The following SRRM3 variants were observed in gnomAD, a reference collection of about 807,000 sequenced individuals.
The protein encoded by SRRM3 is serine/arginine repetitive matrix 3.
SRRM3 carries 27 observed loss-of-function variants against 66.2 expected under a neutral mutation model. That is an observed-to-expected ratio of 0.41 (90% confidence interval 0.30 to 0.56). The LOEUF (loss-of-function observed/expected upper bound fraction) is 0.56, where lower values mean the gene tolerates loss of function less well. Ranked by LOEUF, SRRM3 falls within the 20% of genes least tolerant of loss-of-function variation. SRRM3 has a pLI of 0.32. For synonymous variants in SRRM3, 391 were observed against 414.9 expected (o/e 0.94, Z 0.70); for missense variants, 918 against 991.9 (o/e 0.93, Z 1.00).
intron 11 of SRRM3, among the ~76,000 whole-genome samples, chr7:76,279,248 G>A (rs561827684): frequency 1.9e-4 from 29 of 152,152 alleles, no homozygotes; most frequent in Admixed American, 1.6e-3. Flanking sequence ...GACAGAGTGA[G>A]ATGCCTTCTC....
chr7:76,228,117 G>T (rs1053868251), intron 1 of SRRM3, among the ~76,000 whole-genome samples: 3 of 151,994 alleles, frequency 2.0e-5, no homozygotes, highest in Non-Finnish European at 4.4e-5. Flanking sequence ...TGATCCACCC[G>T]CCTCTGCCTC....
chr7:76,276,804 C>G (rs1321776732), intron 11 of SRRM3, among the ~76,000 whole-genome samples: 1 of 152,158 alleles, frequency 6.6e-6, no homozygotes, highest in Admixed American at 6.6e-5. Context: ...AGGTGCCTTC[C>G]TCCCATCCTC....
intron 1 of SRRM3, among the ~76,000 whole-genome samples, chr7:76,224,175 G>A (rs1458928705): frequency 2.9e-5 from 4 of 139,632 alleles, no homozygotes; most frequent in Non-Finnish European, 6.2e-5. Flanking sequence ...CCGCTCCTGG[G>A]TTCAAGCGAT....
intron 2 of SRRM3, among the ~76,000 whole-genome samples, chr7:76,237,535 A>T (rs1801181697): frequency 6.6e-6 from 1 of 152,256 alleles, no homozygotes; most frequent in Admixed American, 6.5e-5. Flanking sequence ...AGATTGCGCC[A>T]CTGCACTTCA....
intron 1 of SRRM3, among the ~76,000 whole-genome samples, chr7:76,229,159 A>G (rs1029142418): frequency 1.1e-4 from 16 of 152,066 alleles, no homozygotes; most frequent in African/African-American, 3.9e-4. Flanking sequence ...TGTCCTCCCA[A>G]AATGCTGAGA....
chr7:76,250,049 TTA>T, intron 3 of SRRM3, among the ~76,000 whole-genome samples: 1 of 151,606 alleles, frequency 6.6e-6, no homozygotes, highest in Non-Finnish European at 1.5e-5. Context: ...TTATTTATTT[TTA>T]TTTATTTTTT....
rs1364727457 is a variant in SRRM3 at position 76,286,088 on chromosome 7, G to C, written c.*245G>C. 12 of 577,154 alleles carry C rather than the reference G, an allele frequency of 2.1e-5. 1 individual carries two copies. In the South Asian group the frequency reaches 2.9e-4, roughly 14 times the overall value. 35.8% of individuals were successfully genotyped at this position (577,154 alleles called of 1,614,324 possible). A position where few individuals can be genotyped will look rare whatever the true frequency, so the allele number is the denominator to read the frequency against. ...ACCTCCTGTCCACCCACTGTGCCCG[G>C]GGAACAAAGAGCCGTTACGAACACA... On this transcript the variant is annotated 3_prime_UTR_variant, in exon 15 of 15. Transcript: ENST00000611745.
At chr7:76,246,201 T>C (rs1801435453) in intron 2 of SRRM3, among the ~76,000 whole-genome samples, 1 of 152,168 alleles carries the variant, frequency 6.6e-6, no homozygotes, top group South Asian at 2.1e-4. Context: ...ATCACCTCCA[T>C]GAATCCTCTG....
chr7:76,271,624 C>T (rs1554610531), intron 11 of SRRM3, among the ~76,000 whole-genome samples: 1 of 152,164 alleles, frequency 6.6e-6, no homozygotes, highest in African/African-American at 2.4e-5. Flanking sequence ...GCTTGGGCAA[C>T]AGAGCAAGAC....
At chr7:76,232,579 A>G (rs1400029600) in intron 1 of SRRM3, among the ~76,000 whole-genome samples, 1 of 151,894 alleles carries the variant, frequency 6.6e-6, no homozygotes, top group African/African-American at 2.4e-5. Flanking sequence ...CTCCAAAAAA[A>G]AAAAGAGCTC....
rs781953640 is a variant in SRRM3 at position 76,285,834 on chromosome 7, G to T, written c.1953G>T (p.Gly651=). ...ACAGCCGGAGCAGCTCTGAGAGCGG[G>T]GGCTTCTGAGCCCAGACAGACTCAG... ...SYHSRSSSES[G]GF The change falls in exon 15 of 15, where the codon GGG becomes GGT. Residue 651 remains glycine (G), a synonymous_variant. Coordinates refer to ENST00000611745, the MANE Select transcript of SRRM3 (RefSeq NM_001110199.3). This position sits in a 1 kb window ranked among gnomAD's most constrained non-coding sequence, Gnocchi z 4.1. The T allele has an allele frequency of 2.5e-5, 38 of 1,549,388 alleles. No individual in the cohort carries two copies. In the East Asian group the frequency reaches 3.2e-4, roughly 13 times the overall value.
rs1170079332 is a variant in SRRM3 at position 76,215,394 on chromosome 7, G to GTTTTTTTT, written c.-40+13346_-40+13353dup. ...CTGGGCTGGGAGTTAGGAGCCCGCA[G>GTTTTTTTT]TTTTTTTTTTTTTTTTTTTTTTTTT... is the stretch of plus-strand genomic sequence containing the variant. On this transcript the variant is annotated intron_variant, in intron 1 of 14. Coordinates refer to ENST00000611745, the MANE Select transcript of SRRM3 (RefSeq NM_001110199.3). Among the ~76,000 whole-genome samples, 2 of 95,112 alleles carry GTTTTTTTT rather than the reference G, an allele frequency of 2.1e-5. 1 individual carries two copies. Among genetic ancestry groups the GTTTTTTTT allele is most frequent in the Non-Finnish European group, 4.0e-5 (2 of 49,824 alleles). 62.4% of individuals were successfully genotyped at this position (95,112 alleles called of 152,430 possible).
intron 3 of SRRM3, among the ~76,000 whole-genome samples, chr7:76,259,634 G>A (rs1016885461): frequency 2.6e-5 from 4 of 151,938 alleles, no homozygotes; most frequent in African/African-American, 9.7e-5. Flanking sequence ...GAACTCAGAA[G>A]GGGTGCGGGC....
intron 12 of SRRM3, 46 bp from the exon 13 acceptor site, chr7:76,282,602 C>T: frequency 1.7e-6 from 2 of 1,179,552 alleles, no homozygotes; most frequent in Non-Finnish European, 2.2e-6. Context: ...CCCCAGCCCC[C>T]TTTCCGGGTC....
At chr7:76,267,031 G>T (rs1255938037) in intron 10 of SRRM3, among the ~76,000 whole-genome samples, 1 of 152,136 alleles carries the variant, frequency 6.6e-6, no homozygotes, top group African/African-American at 2.4e-5. Context: ...AGGAAGAGCT[G>T]CCCTAAGGCC....
At chr7:76,264,711 G>A (rs894957461) in intron 8 of SRRM3, 54 bp from the exon 9 acceptor site, 39 of 1,599,684 alleles carry the variant, frequency 2.4e-5, no homozygotes, top group Non-Finnish European at 3.3e-5. Context: ...TCCAGGGCAC[G>A]AAGGCCACAC....
chr7:76,207,699 C>CAATAAATA (rs112873033), intron 1 of SRRM3, among the ~76,000 whole-genome samples: 95 of 151,270 alleles, frequency 6.3e-4, no homozygotes, highest in African/African-American at 1.8e-3. Context: ...CCATCTCTAC[C>CAATAAATA]AATAAATAAA....
chr7:76,240,506 G>A (rs1343184158), intron 2 of SRRM3, among the ~76,000 whole-genome samples: 1 of 151,454 alleles, frequency 6.6e-6, no homozygotes, highest in Non-Finnish European at 1.5e-5. Context: ...TGTAGTCCCA[G>A]CTACTCAGGA....
In SRRM3 at chr7:76,210,465, C is replaced by T. The variant is rs540018047; in HGVS notation, c.-40+8398C>T. 6.6e-5 allele frequency among the ~76,000 whole-genome samples: 10 copies of T among 152,312 alleles called. No individual in the cohort carries two copies. The South Asian group carries it at 2.1e-3, about 32-fold the overall frequency. ...CTCCTGCTCCTCAGACATCAGAAAG[C>T]AGAGATCGTCCTTGATTCATTCATT... On this transcript the variant is annotated intron_variant, in intron 1 of 14. Coordinates refer to ENST00000611745, the MANE Select transcript of SRRM3 (RefSeq NM_001110199.3).
Sources: allele counts gnomAD v4.1 joint callset (sites outside exome capture counted in the v4.1 genomes callset), GRCh38; gene constraint gnomAD v4.1.1; non-coding constraint Gnocchi (gnomAD v3.1); transcripts MANE v1.5; gene names NCBI Gene and HGNC (gene_info 2026-07-23, HGNC 2026-07-21).